The following SORL1 variants were observed in gnomAD, a reference collection of about 807,000 sequenced individuals.
SORL1 encodes sortilin related receptor 1.
In SORL1, 127 loss-of-function variants were observed where a neutral mutation model predicts 273.7. The observed-to-expected ratio is 0.46, with a 90% CI of 0.40 to 0.54. The LOEUF is 0.54. SORL1 is among the 20% of genes least tolerant of loss of function. SORL1 has a pLI of 0.00. For missense variants in SORL1, 2,494 were observed against 2,846.1 expected (o/e 0.88, Z 2.81); for synonymous variants, 1,031 against 1,067.4 (o/e 0.97, Z 0.66).
Position 121,611,239 on chromosome 11 carries a change from G to C in SORL1, c.5322+81G>C, listed in dbSNP as rs531980659. On this transcript the variant is annotated intron_variant, in intron 39 of 47. Coordinates refer to ENST00000260197, the MANE Select transcript of SORL1 (RefSeq NM_003105.6). The stretch of plus-strand genomic sequence containing the variant: ...TGAAAGGACATAGCACAGTAAGACT[G>C]GAAAAAAACAAAAAACAAAAAACAA... 1.1e-4 allele frequency: 105 copies of C among 984,998 alleles called. 4 individuals are homozygous for C. The South Asian group carries it at 1.5e-3, about 14-fold the overall frequency. 61.0% of individuals were successfully genotyped at this position (984,998 alleles called of 1,614,324 possible). A position where few individuals can be genotyped will look rare whatever the true frequency, so the allele number is the denominator to read the frequency against.
chr11:121,629,559 C>G lies in SORL1; in HGVS notation c.6641C>G (p.Ala2214Gly), dbSNP rs759779568. The G allele has an allele frequency of 1.3e-6, 2 of 1,497,576 alleles. No homozygotes were observed. The highest frequency in any genetic ancestry group is 3.3e-5 in the Admixed American group (2 of 59,850). The allele number at this position is 1,497,576 out of a possible 1,614,324, so 92.8% of individuals were successfully genotyped here. Residue 2214 changes from alanine to glycine, a missense_variant, in exon 48 of 48, where the codon GCC becomes GGC. By Grantham distance (60) the Ala-to-Gly change is moderately conservative. This residue lies in a region of SORL1 where 1,609 missense variants were observed against 1,816.4 expected (regional missense o/e 0.89). Coordinates refer to ENST00000260197, the MANE Select transcript of SORL1 (RefSeq NM_003105.6). ...GFSDDVPMVI[A>G] ...TCAGATGACGTCCCCATGGTGATAG[C>G]CTGAAAGAGCTTTCCTCACTAGAAA...
At chr11:121,526,329 T>G (rs1862123785) in intron 11 of SORL1, among the ~76,000 whole-genome samples, 1 of 152,196 alleles carries the variant, frequency 6.6e-6, no homozygotes, top group Admixed American at 6.5e-5. Context: ...AATCTGTCTG[T>G]CTTTTCACTA....
At chr11:121,469,778 T>C (rs962363522) in intron 1 of SORL1, among the ~76,000 whole-genome samples, 1 of 152,226 alleles carries the variant, frequency 6.6e-6, no homozygotes, top group Admixed American at 6.5e-5. Flanking sequence ...AAGAAGCTTT[T>C]CTACAATCTC....
chr11:121,510,062 T>C (rs940420191), intron 6 of SORL1, among the ~76,000 whole-genome samples: 2 of 152,200 alleles, frequency 1.3e-5, no homozygotes, highest in African/African-American at 4.8e-5. Context: ...TATTTATATG[T>C]GTGTGTGTTT....
At chr11:121,469,059 G>A in intron 1 of SORL1, among the ~76,000 whole-genome samples, 1 of 152,226 alleles carries the variant, frequency 6.6e-6, no homozygotes, top group East Asian at 1.9e-4. Flanking sequence ...AGAAGTTCAG[G>A]ATGAGTGCTA....
At chr11:121,535,144 A>G (rs934752332) in intron 12 of SORL1, among the ~76,000 whole-genome samples, 1 of 151,846 alleles carries the variant, frequency 6.6e-6, no homozygotes, top group South Asian at 2.1e-4. Flanking sequence ...TAGTGTGCCA[A>G]TTGCACAGCT....
Position 121,567,051 on chromosome 11 carries a change from G to A in SORL1, c.3161G>A (p.Gly1054Glu), listed in dbSNP as rs766160030. The A allele has an allele frequency of 1.2e-6, 2 of 1,614,172 alleles. No homozygotes were observed. Among genetic ancestry groups the A allele is most frequent in the South Asian group, 1.1e-5 (1 of 91,090 alleles). Reference protein sequence around the residue: ...EDVSSSVLPSGDLMCDCPQGY... With the variant: ...EDVSSSVLPSEDLMCDCPQGY... Reference sequence around the variant, plus strand: ...GTGTCCAGCAGTGTGCTTCCATCAGGGGACCTGATGTGTGACTGCCCTCAG... The same window carrying A: ...GTGTCCAGCAGTGTGCTTCCATCAGAGGACCTGATGTGTGACTGCCCTCAG... The change falls in exon 22 of 48, where the codon GGG becomes GAG. Residue 1054 changes from glycine to glutamate, a missense_variant. Around this residue, in one of 3 missense-constraint regions of SORL1, gnomAD observed 1,609 missense variants for 1,816.4 expected, o/e 0.89. Coordinates refer to ENST00000260197, the MANE Select transcript of SORL1 (RefSeq NM_003105.6).
chr11:121,538,302 A>G (rs1172059823), intron 12 of SORL1, among the ~76,000 whole-genome samples: 2 of 152,044 alleles, frequency 1.3e-5, no homozygotes, highest in Non-Finnish European at 2.9e-5. Flanking sequence ...CCATCAGTCC[A>G]GAAAATACTC....
At chr11:121,570,015 G>A (rs528756574) in intron 22 of SORL1, 142 bp from the exon 23 acceptor site, 9 of 509,704 alleles carry the variant, frequency 1.8e-5, no homozygotes, top group African/African-American at 9.7e-5. Flanking sequence ...GTGAAATATC[G>A]GGGGTGAATT....
chr11:121,537,745 C>G (rs1027550460), intron 12 of SORL1, among the ~76,000 whole-genome samples: 38 of 152,150 alleles, frequency 2.5e-4, no homozygotes, highest in African/African-American at 8.2e-4. Flanking sequence ...GTTTGCTGTT[C>G]ATTTGTTCAC....
At position 121,627,349 on chromosome 11, in the gene SORL1, A is replaced by G; in HGVS notation, c.6365-206A>G. On this transcript the variant is annotated intron_variant, in intron 46 of 47. Transcript: ENST00000260197. The surrounding 1 kb of genome is among the most constrained non-coding windows in gnomAD (Gnocchi z 4.9). ...TAATGTAATTACCATATTTGCATGC[A>G]CAAGGCCCTTGGTCTATCAGCTCAT... 1 of 593,114 alleles carries G rather than the reference A, an allele frequency of 1.7e-6. No homozygotes were observed. Among genetic ancestry groups the G allele is most frequent in the Non-Finnish European group, 3.0e-6 (1 of 332,156 alleles). The allele number at this position is 593,114 out of a possible 1,614,324, so 36.7% of individuals were successfully genotyped here.
intron 11 of SORL1, among the ~76,000 whole-genome samples, chr11:121,523,892 T>A (rs2134860282): frequency 6.6e-6 from 1 of 152,332 alleles, no homozygotes; most frequent in Admixed American, 6.5e-5. Context: ...GAATGCACCA[T>A]GCTCACCTTG....
At chr11:121,510,844 G>A (rs190330745) in intron 6 of SORL1, among the ~76,000 whole-genome samples, 1 of 152,210 alleles carries the variant, frequency 6.6e-6, no homozygotes, top group African/African-American at 2.4e-5. Context: ...GCACTCTGCA[G>A]GGTAGAGTGG....
At chr11:121,598,504 G>C (rs1173433186) in intron 32 of SORL1, among the ~76,000 whole-genome samples, 1 of 152,200 alleles carries the variant, frequency 6.6e-6, no homozygotes, top group African/African-American at 2.4e-5. Flanking sequence ...GGTAGTGCAA[G>C]TCATCCTGGA....
At chr11:121,504,346 A>G (rs1318727017) in intron 6 of SORL1, among the ~76,000 whole-genome samples, 1 of 152,112 alleles carries the variant, frequency 6.6e-6, no homozygotes, top group Non-Finnish European at 1.5e-5. Flanking sequence ...TGGGAGGTGG[A>G]GATTGCAGTG....
intron 6 of SORL1, among the ~76,000 whole-genome samples, chr11:121,497,911 A>G (rs1861655803): frequency 6.6e-6 from 1 of 152,174 alleles, no homozygotes; most frequent in Non-Finnish European, 1.5e-5. Flanking sequence ...CTTTTCCTTC[A>G]GATTCTCATT....
chr11:121,536,777 C>G (rs927121195), intron 12 of SORL1, among the ~76,000 whole-genome samples: 1 of 152,054 alleles, frequency 6.6e-6, no homozygotes, highest in Non-Finnish European at 1.5e-5. Context: ...CTTCCTTCAA[C>G]AAGCGTTTAT....
At chr11:121,478,048 AAAAAG>A (rs1159342397) in intron 2 of SORL1, 65 bp from the exon 3 acceptor site, 536 of 1,360,780 alleles carry the variant, frequency 3.9e-4, no homozygotes, top group Non-Finnish European at 4.5e-4. Context: ...AAAAAAAAAA[AAAAAG>A]AAAGATCTTT....
chr11:121,489,935 T>C, intron 4 of SORL1, 108 bp from the exon 5 acceptor site: 3 of 826,078 alleles, frequency 3.6e-6, no homozygotes, highest in Non-Finnish European at 6.2e-6. Flanking sequence ...GTGCCTGCCT[T>C]CACAGACAGC....
Sources: allele counts gnomAD v4.1 joint callset (sites outside exome capture counted in the v4.1 genomes callset), GRCh38; gene constraint gnomAD v4.1.1; regional missense constraint gnomAD v4.1.1; non-coding constraint Gnocchi (gnomAD v3.1); transcripts MANE v1.5; gene names NCBI Gene and HGNC (gene_info 2026-07-23, HGNC 2026-07-21).